NCALD: variants seen among roughly 807,000 people sequenced by gnomAD.
NCALD encodes neurocalcin-delta.
Under a neutral mutation model 18.6 loss-of-function variants are expected in NCALD, and 10 were observed. The observed-to-expected ratio is 0.54, with a 90% CI of 0.33 to 0.91. The LOEUF (loss-of-function observed/expected upper bound fraction) is 0.91. Ranked by LOEUF, NCALD falls within the 40% of genes least tolerant of loss-of-function variation. The probability of loss-of-function intolerance (pLI) is 0.03; values close to 1 mark genes in which losing one functional copy is unlikely to be tolerated. For missense variants in NCALD, 184 were observed against 247.6 expected (o/e 0.74, Z 1.72); for synonymous variants, 88 against 87.4 (o/e 1.01, Z -0.04).
At chr8:101,953,956 T>C (rs969997036) in intron 2 of NCALD, among the ~76,000 whole-genome samples, 2 of 152,222 alleles carry the variant, frequency 1.3e-5, no homozygotes, top group African/African-American at 4.8e-5. Flanking sequence ...GCAGAGCCCT[T>C]GACCTAACTC....
chr8:101,915,440 A>G (rs1354432908), intron 3 of NCALD: 3 of 152,224 alleles, frequency 2.0e-5, no homozygotes, highest in African/African-American at 7.2e-5. Context: ...CTCTTGGAAT[A>G]TGACCCAATT....
At chr8:102,014,652 T>C (rs1822019715) in intron 2 of NCALD, among the ~76,000 whole-genome samples, 1 of 152,194 alleles carries the variant, frequency 6.6e-6, no homozygotes, top group African/African-American at 2.4e-5. Flanking sequence ...AAATTGATAA[T>C]TTAACTAGAA....
At chr8:101,918,425 C>G (rs1818046882) in intron 2 of NCALD, among the ~76,000 whole-genome samples, 2 of 152,020 alleles carry the variant, frequency 1.3e-5, no homozygotes, top group Non-Finnish European at 2.9e-5. Context: ...TGGAAAAAGA[C>G]AAGTATGCCC....
At chr8:102,050,906 A>T (rs1219190526) in intron 1 of NCALD, among the ~76,000 whole-genome samples, 2 of 146,508 alleles carry the variant, frequency 1.4e-5, no homozygotes, top group African/African-American at 4.9e-5. Flanking sequence ...ATTTAATTTT[A>T]TATATAAGTA....
chr8:101,854,409 C>A (rs1054812209), intron 4 of NCALD, among the ~76,000 whole-genome samples: 5 of 152,096 alleles, frequency 3.3e-5, no homozygotes, highest in African/African-American at 9.7e-5. Context: ...GGATGAATTG[C>A]GTTCCTGAAG....
intron 2 of NCALD, among the ~76,000 whole-genome samples, chr8:101,987,252 A>G (rs1174305193): frequency 6.6e-6 from 1 of 152,236 alleles, no homozygotes; most frequent in Non-Finnish European, 1.5e-5. Flanking sequence ...TTTGAAGGGC[A>G]GACTAGCAGC....
intron 1 of NCALD, among the ~76,000 whole-genome samples, chr8:102,123,574 G>A (rs1246237601): frequency 6.6e-6 from 1 of 151,808 alleles, no homozygotes; most frequent in Non-Finnish European, 1.5e-5. Context: ...AAAATAAATC[G>A]GTATGCACTG....
chr8:101,782,610 A>C (rs1812061263), intron 1 of NCALD, among the ~76,000 whole-genome samples: 2 of 151,978 alleles, frequency 1.3e-5, no homozygotes. Context: ...CATGTTCTTG[A>C]CTCCAGGTGG....
chr8:101,897,388 G>T (rs1347954698), intron 3 of NCALD, among the ~76,000 whole-genome samples: 3 of 120,590 alleles, frequency 2.5e-5, no homozygotes, highest in African/African-American at 9.4e-5. Context: ...AGGGGGGAGG[G>T]ATAGCATTGG....
chr8:101,846,847 T>C (rs904473545), intron 4 of NCALD, among the ~76,000 whole-genome samples: 2 of 152,152 alleles, frequency 1.3e-5, no homozygotes, highest in Non-Finnish European at 2.9e-5. Context: ...TGGGACCACA[T>C]TTTGAGAACC....
intron 4 of NCALD, among the ~76,000 whole-genome samples, chr8:101,883,224 A>T (rs1279505386): frequency 6.6e-6 from 1 of 152,108 alleles, no homozygotes; most frequent in Non-Finnish European, 1.5e-5. Flanking sequence ...AAATACAAAA[A>T]TTAGCTGGGC....
chr8:101,832,849 ATTATT>A (rs1254827636), intron 4 of NCALD, among the ~76,000 whole-genome samples: 2 of 152,214 alleles, frequency 1.3e-5, no homozygotes, highest in African/African-American at 4.8e-5. Flanking sequence ...ATGGTGACTC[ATTATT>A]CACCTGCCAG....
In NCALD at chr8:101,747,697, C is replaced by T. The variant is rs372851257; in HGVS notation, c.-19-28049G>A. The stretch of plus-strand genomic sequence containing the variant: ...CCTACTTTCCAGGGTTCCCTTTTTA[C>T]ACTGAGCTTGAGGAAAAGTGATTTT... On this transcript the variant is annotated intron_variant, in intron 1 of 3. Coordinates refer to ENST00000220931, the MANE Select transcript of NCALD (RefSeq NM_032041.3). Among the ~76,000 whole-genome samples the T allele has an allele frequency of 7.2e-5, 11 of 152,008 alleles. No homozygotes were observed. In the South Asian group the frequency reaches 2.3e-3, roughly 32 times the overall value.
At position 101,870,924 on chromosome 8, in the gene NCALD, C is replaced by T. The variant is rs1459931500; in HGVS notation, c.-20+16217G>A. Among the ~76,000 whole-genome samples, 9 of 114,904 alleles carry T rather than the reference C, an allele frequency of 7.8e-5. 1 individual carries two copies. In the Admixed American group the frequency reaches 8.4e-4, roughly 11 times the overall value. 75.4% of individuals were successfully genotyped at this position (114,904 alleles called of 152,430 possible). ...CCCCCCCCCCCAAAAAAAGAGAGAA[C>T]GTTCATGAGTTATCTAAAGAACATC... is the stretch of plus-strand genomic sequence containing the variant. On this transcript the variant is annotated intron_variant, in intron 4 of 6. Coordinates refer to the NCALD transcript ENST00000311028.
chr8:102,024,555 C>T (rs185644470), intron 1 of NCALD, among the ~76,000 whole-genome samples: 12 of 152,226 alleles, frequency 7.9e-5, no homozygotes, highest in Non-Finnish European at 1.5e-4. Context: ...TCTTGCTATC[C>T]GTTTCCACTC....
At chr8:101,731,103 G>C (rs1412473909) in intron 1 of NCALD, among the ~76,000 whole-genome samples, 1 of 152,108 alleles carries the variant, frequency 6.6e-6, no homozygotes, top group Non-Finnish European at 1.5e-5. Flanking sequence ...GCACCATGGA[G>C]GTAAGTGTGA....
chr8:102,003,094 G>A (rs1821542518), intron 2 of NCALD, among the ~76,000 whole-genome samples: 1 of 152,090 alleles, frequency 6.6e-6, no homozygotes. Context: ...TCCAGGAGCT[G>A]GTTTCTTGAA....
chr8:101,757,242 T>A (rs1810920636), intron 1 of NCALD, among the ~76,000 whole-genome samples: 1 of 152,200 alleles, frequency 6.6e-6, no homozygotes, highest in Non-Finnish European at 1.5e-5. Flanking sequence ...ACATTTCCAT[T>A]TCAACAGAAA....
intron 1 of NCALD, among the ~76,000 whole-genome samples, chr8:101,749,355 A>G (rs1358792485): frequency 6.6e-6 from 1 of 152,236 alleles, no homozygotes; most frequent in Non-Finnish European, 1.5e-5. Context: ...GACCTCTCAC[A>G]GAATTCCCAT....
Sources: gnomAD v4.1 joint callset for allele counts (sites outside exome capture counted in the v4.1 genomes callset) on GRCh38, gnomAD v4.1.1 for gene constraint, MANE v1.5 for transcripts, NCBI Gene and HGNC (gene_info 2026-07-23, HGNC 2026-07-21) for gene names.